RGS6: variants seen among roughly 807,000 people sequenced by gnomAD.
RGS6 encodes regulator of G protein signaling 6.
A neutral mutation model predicts 78.5 loss-of-function variants in RGS6; 30 were observed. The observed-to-expected ratio is 0.38, with a 90% CI of 0.29 to 0.52. RGS6 has a LOEUF of 0.52. Ranked by LOEUF, RGS6 falls within the 20% of genes least tolerant of loss-of-function variation. The pLI is 0.85. For missense variants in RGS6, 495 were observed against 609.7 expected (o/e 0.81, Z 1.98); for synonymous variants, 206 against 206.0 (o/e 1.00, Z 0.00).
At chr14:72,376,430 C>T (rs1363196662) in intron 3 of RGS6, among the ~76,000 whole-genome samples, 1 of 152,164 alleles carries the variant, frequency 6.6e-6, no homozygotes, top group African/African-American at 2.4e-5. Flanking sequence ...GTGCAGAAAA[C>T]ATATTTAATG....
intron 2 of RGS6, among the ~76,000 whole-genome samples, chr14:72,283,675 G>A (rs968196178): frequency 1.3e-4 from 20 of 152,276 alleles, no homozygotes; most frequent in African/African-American, 4.6e-4. Context: ...CCCAGTCTCA[G>A]GTGTGTCTTT....
chr14:72,355,761 G>A (rs187633951), intron 3 of RGS6, among the ~76,000 whole-genome samples: 6 of 152,232 alleles, frequency 3.9e-5, no homozygotes, highest in Admixed American at 1.3e-4. Context: ...AGAGCTCCTC[G>A]AGAAGATGAC....
intron 2 of RGS6, among the ~76,000 whole-genome samples, chr14:72,069,921 A>T (rs953057312): frequency 3.3e-5 from 5 of 152,146 alleles, no homozygotes; most frequent in African/African-American, 1.2e-4. Flanking sequence ...CTTACTACGT[A>T]TTTTTGCATT....
At chr14:72,123,862 G>A (rs910343190) in intron 2 of RGS6, among the ~76,000 whole-genome samples, 1 of 152,068 alleles carries the variant, frequency 6.6e-6, no homozygotes. Context: ...AAATGGAAAT[G>A]CCCTCCACTT....
intron 13 of RGS6, among the ~76,000 whole-genome samples, chr14:72,509,341 G>A (rs958293067): frequency 1.3e-5 from 2 of 151,434 alleles, no homozygotes; most frequent in South Asian, 4.2e-4. Flanking sequence ...CTCCAGCCTG[G>A]GCGGCAAAGT....
chr14:71,912,267 C>A, the RGS6 span, among the ~76,000 whole-genome samples: 1 of 152,146 alleles, frequency 6.6e-6, no homozygotes, highest in East Asian at 1.9e-4. Flanking sequence ...TGGGGCATAT[C>A]CAATGTCCTG....
At chr14:71,937,832 A>G (rs182655717) in intron 1 of RGS6, among the ~76,000 whole-genome samples, 2 of 152,342 alleles carry the variant, frequency 1.3e-5, no homozygotes, top group Non-Finnish European at 2.9e-5. Context: ...CCATGATGGA[A>G]GAAGTCCAGT....
At chr14:72,381,663 C>T (rs1450009495) in intron 3 of RGS6, among the ~76,000 whole-genome samples, 1 of 151,890 alleles carries the variant, frequency 6.6e-6, no homozygotes, top group Non-Finnish European at 1.5e-5. Flanking sequence ...CCTATCTTTA[C>T]CAAAGAAATG....
chr14:72,263,292 G>T (rs2058487019), intron 2 of RGS6, among the ~76,000 whole-genome samples: 1 of 152,136 alleles, frequency 6.6e-6, no homozygotes, highest in Non-Finnish European at 1.5e-5. Flanking sequence ...CTATCTAAAG[G>T]TCATCAGAAC....
intron 3 of RGS6, among the ~76,000 whole-genome samples, chr14:72,444,277 C>A (rs943563627): frequency 1.3e-5 from 2 of 152,156 alleles, no homozygotes; most frequent in South Asian, 2.1e-4. Flanking sequence ...TTGGTAATAA[C>A]CTCGCTGGGT....
intron 12 of RGS6, among the ~76,000 whole-genome samples, chr14:72,481,778 C>T (rs1466928639): frequency 6.6e-6 from 1 of 151,204 alleles, no homozygotes; most frequent in Non-Finnish European, 1.5e-5. Context: ...ATAAATGACA[C>T]TTAACACCCT....
intron 2 of RGS6, among the ~76,000 whole-genome samples, chr14:72,227,567 C>T (rs1020746310): frequency 4.6e-5 from 7 of 152,180 alleles, no homozygotes; most frequent in Non-Finnish European, 8.8e-5. Flanking sequence ...AGTCATTCTA[C>T]AAATTGTTCA....
chr14:72,516,962 CAG>C (rs1436357571), intron 14 of RGS6: 5 of 148,534 alleles, frequency 3.4e-5, no homozygotes, highest in East Asian at 1.9e-4. Flanking sequence ...AATGGCAAAT[CAG>C]GGGAAGAGTT....
At chr14:72,359,398 G>A (rs1403782986) in intron 3 of RGS6, among the ~76,000 whole-genome samples, 8 of 152,142 alleles carry the variant, frequency 5.3e-5, no homozygotes, top group African/African-American at 1.9e-4. Flanking sequence ...GGGGGCAGTT[G>A]TTAGCTGAAG....
chr14:72,113,513 T>G (rs2095818837), intron 2 of RGS6, among the ~76,000 whole-genome samples: 1 of 152,170 alleles, frequency 6.6e-6, no homozygotes, highest in Admixed American at 6.5e-5. Flanking sequence ...ATTTGACGGG[T>G]ATAGAGGGTT....
chr14:72,539,224 C>T (rs1324335200), intron 16 of RGS6, among the ~76,000 whole-genome samples: 4 of 152,188 alleles, frequency 2.6e-5, no homozygotes, highest in Admixed American at 6.5e-5. Flanking sequence ...TGCCTCTCCT[C>T]GCTCCTGTTC....
Position 72,463,722 on chromosome 14 carries a change from G to A in RGS6, c.395-2036G>A, listed in dbSNP as rs111474955. ...GCTGCCACCTCCACTGACCTGCACT[G>A]CTCAAAGGTAATCATGACCTGGCCC... is the stretch of plus-strand genomic sequence containing the variant. On this transcript the variant is annotated intron_variant, in intron 6 of 17. Transcript: ENST00000553525. Among the ~76,000 whole-genome samples, 629 of 152,342 alleles carry A rather than the reference G, an allele frequency of 4.1e-3. 2 individuals are homozygous for A. Among genetic ancestry groups the A allele is most frequent in the African/African-American group, 0.014 (595 of 41,570 alleles).
chr14:72,310,280 C>T (rs1003975946), intron 2 of RGS6, among the ~76,000 whole-genome samples: 3 of 152,252 alleles, frequency 2.0e-5, no homozygotes, highest in African/African-American at 4.8e-5. Context: ...GCAGCGGCGT[C>T]AGCCGCTGGT....
At chr14:72,052,999 C>A (rs1388365888) in intron 2 of RGS6, among the ~76,000 whole-genome samples, 4 of 99,984 alleles carry the variant, frequency 4.0e-5, no homozygotes, top group Non-Finnish European at 8.8e-5. Flanking sequence ...CTCTCTCTCT[C>A]TCTCTCTTTC....
Sources: allele counts gnomAD v4.1 joint callset (sites outside exome capture counted in the v4.1 genomes callset), GRCh38; gene constraint gnomAD v4.1.1; transcripts MANE v1.5; gene names NCBI Gene and HGNC (gene_info 2026-07-23, HGNC 2026-07-21).